Variants in DPP4 observed in about 807,000 individuals in gnomAD.
DPP4 encodes the protein ADCP-2.
Under a neutral mutation model 122.4 loss-of-function variants are expected in DPP4, and 93 were observed. That is an observed-to-expected ratio of 0.76 (90% CI 0.64 to 0.90). The LOEUF is 0.90. Among genes scored for constraint, DPP4 ranks in the 40% least tolerant of loss-of-function variants. The pLI is 0.00. For missense variants in DPP4, 914 were observed against 907.3 expected, an observed-to-expected ratio of 1.01 and a Z score of -0.09; for synonymous variants, 321 against 302.9, an observed-to-expected ratio of 1.06 and a Z score of -0.62.
Position 161,994,984 on chromosome 2 carries a change from CA to C in DPP4, c.2175del (p.Asp725GlufsTer18). The C allele has an allele frequency of 6.2e-7, 1 of 1,614,118 alleles. No individual in the cohort carries two copies. The highest frequency in any genetic ancestry group is 1.1e-5 in the South Asian group (1 of 91,084). On this transcript the variant is annotated frameshift_variant, in exon 25 of 26. Coordinates refer to ENST00000360534, the MANE Select transcript of DPP4 (RefSeq NM_001935.4). LOFTEE classifies it high-confidence loss of function. ...ACCATTGCCTGGAAATCCACTCCAA[CA>C]TCGACCAGGGCTTTGGAGATCTGAG... is the stretch of plus-strand genomic sequence containing the variant. ...QSAQISKALV[D>X]VGVDFQAMWY...
At chr2:162,055,197 G>A (rs1344599005) in intron 2 of DPP4, among the ~76,000 whole-genome samples, 1 of 152,186 alleles carries the variant, frequency 6.6e-6, no homozygotes, top group Non-Finnish European at 1.5e-5. Context: ...CTAAGTGCCA[G>A]TGAATATCAC....
At chr2:162,029,743 A>G (rs924395570) in intron 10 of DPP4, among the ~76,000 whole-genome samples, 2 of 152,176 alleles carry the variant, frequency 1.3e-5, no homozygotes, top group South Asian at 4.1e-4. Context: ...TGAGCCCCAG[A>G]GCCATTCAAC....
At chr2:162,033,876 A>ATATG (rs1683662274) in intron 9 of DPP4, among the ~76,000 whole-genome samples, 1 of 140,086 alleles carries the variant, frequency 7.1e-6, no homozygotes, top group Admixed American at 7.0e-5. Flanking sequence ...ATATATATAT[A>ATATG]TATATATATA....
chr2:162,045,160 C>T (rs1017606739), intron 5 of DPP4, among the ~76,000 whole-genome samples: 1 of 151,918 alleles, frequency 6.6e-6, no homozygotes, highest in African/African-American at 2.4e-5. Flanking sequence ...TCTATGGAGG[C>T]TCTTACTATA....
At chr2:162,061,006 C>CTCCTTCCTTCCTTCCTTCCTTCCTTCCT (rs1235608036) in intron 2 of DPP4, among the ~76,000 whole-genome samples, 75 of 81,530 alleles carry the variant, frequency 9.2e-4, no homozygotes, top group African/African-American at 4.5e-3. Context: ...CCCTCCCTCC[C>CTCCTTCCTTCCTTCCTTCCTTCCTTCCT]TCCTTCCTTC....
intron 9 of DPP4, among the ~76,000 whole-genome samples, chr2:162,033,862 G>GCATATA (rs1683658410): frequency 9.6e-6 from 1 of 104,026 alleles, no homozygotes; most frequent in Non-Finnish European, 1.9e-5. Flanking sequence ...CAGAATATGT[G>GCATATA]TATATATATA....
At chr2:162,055,888 C>T (rs530719665) in intron 2 of DPP4, among the ~76,000 whole-genome samples, 2 of 152,182 alleles carry the variant, frequency 1.3e-5, no homozygotes, top group African/African-American at 2.4e-5. Flanking sequence ...GGGTTTAGTT[C>T]CCCCTCCTCC....
At position 162,032,720 on chromosome 2, in the gene DPP4, AC is replaced by A. The variant is rs1185352082; in HGVS notation, c.887+820del. On this transcript the variant is annotated intron_variant, in intron 10 of 25. Transcript: ENST00000360534. ...AACAACAACAACAACAAAAAAAAAAACAGCAACAAAACCAAATAAATAACAG... is the reference window on the plus strand; with the variant it reads ...AACAACAACAACAACAAAAAAAAAAAAGCAACAAAACCAAATAAATAACAG... Among the ~76,000 whole-genome samples, 1,470 of 149,398 alleles carry A rather than the reference AC, an allele frequency of 9.8e-3. 26 individuals are homozygous for A. The highest frequency in any genetic ancestry group is 0.034 in the African/African-American group (1,394 of 40,750).
intron 25 of DPP4, 137 bp downstream of exon 25, chr2:161,994,824 C>A (rs933900107): frequency 9.9e-6 from 7 of 709,192 alleles, no homozygotes; most frequent in Non-Finnish European, 1.7e-5. Flanking sequence ...TACCACTCTT[C>A]TGACTTCACG....
chr2:162,049,520 T>C (rs994005359), intron 2 of DPP4, among the ~76,000 whole-genome samples: 4 of 152,058 alleles, frequency 2.6e-5, no homozygotes, highest in Non-Finnish European at 5.9e-5. Context: ...TCAGGAAGAA[T>C]AGCTAACAGA....
At chr2:162,058,975 A>G (rs1349862646) in intron 2 of DPP4, among the ~76,000 whole-genome samples, 1 of 152,250 alleles carries the variant, frequency 6.6e-6, no homozygotes, top group Non-Finnish European at 1.5e-5. Context: ...CCCTGAAACA[A>G]TATCAGCATA....
At chr2:162,042,366 A>T (rs189986914) in intron 5 of DPP4, among the ~76,000 whole-genome samples, 2 of 152,298 alleles carry the variant, frequency 1.3e-5, no homozygotes, top group Admixed American at 1.3e-4. Context: ...GAGAACATTC[A>T]TACCAGACTG....
chr2:162,004,459 T>C (rs1701231029), intron 23 of DPP4, among the ~76,000 whole-genome samples: 1 of 152,114 alleles, frequency 6.6e-6, no homozygotes, highest in African/African-American at 2.4e-5. Context: ...TATGGGACTG[T>C]TTTGCAGGGG....
At chr2:162,070,310 C>T (rs913962717) in intron 2 of DPP4, among the ~76,000 whole-genome samples, 2 of 141,916 alleles carry the variant, frequency 1.4e-5, no homozygotes, top group Admixed American at 7.0e-5. Context: ...TATTAAGCCT[C>T]TCTCTCTCTC....
rs1208637587 is a variant in DPP4 at position 162,074,131 on chromosome 2, G to A, written c.-150C>T. Reference sequence around the variant, plus strand: ...TCGGCCCCGAGTTAAACATTAGTGAGCGCCGAGCCCGCTGGGTATAAAGGC... The same window carrying A: ...TCGGCCCCGAGTTAAACATTAGTGAACGCCGAGCCCGCTGGGTATAAAGGC... On this transcript the variant is annotated 5_prime_UTR_variant, in exon 1 of 26. Coordinates refer to ENST00000360534, the MANE Select transcript of DPP4 (RefSeq NM_001935.4). 2 of 1,405,540 alleles carry A rather than the reference G, an allele frequency of 1.4e-6. No individual in the cohort carries two copies. Among genetic ancestry groups the A allele is most frequent in the African/African-American group, 3.0e-5 (2 of 67,386 alleles). The allele number at this position is 1,405,540 out of a possible 1,614,324, so 87.1% of individuals were successfully genotyped here. A position where few individuals can be genotyped will look rare whatever the true frequency, so the allele number is the denominator to read the frequency against.
chr2:162,006,352 G>A (rs1277161082), intron 22 of DPP4, among the ~76,000 whole-genome samples: 2 of 152,116 alleles, frequency 1.3e-5, no homozygotes, highest in African/African-American at 4.8e-5. Flanking sequence ...TCAATTACTA[G>A]TTGCTGATTT....
chr2:162,003,711 G>T (rs1008522701), intron 23 of DPP4, among the ~76,000 whole-genome samples: 1 of 152,094 alleles, frequency 6.6e-6, no homozygotes, highest in Non-Finnish European at 1.5e-5. Flanking sequence ...AAGAAAATTT[G>T]AACTGGAAAA....
At chr2:162,067,024 A>G (rs1328141115) in intron 2 of DPP4, among the ~76,000 whole-genome samples, 2 of 152,282 alleles carry the variant, frequency 1.3e-5, no homozygotes, top group African/African-American at 2.4e-5. Context: ...CATATCCCCC[A>G]TACCTTCAAT....
chr2:162,030,106 A>G (rs779396089), intron 10 of DPP4, among the ~76,000 whole-genome samples: 47 of 152,252 alleles, frequency 3.1e-4, no homozygotes, highest in Non-Finnish European at 5.9e-5. Context: ...TCAGTCAACA[A>G]TGAATGTACT....
Sources: allele counts gnomAD v4.1 joint callset (sites outside exome capture counted in the v4.1 genomes callset), GRCh38; gene constraint gnomAD v4.1.1; transcripts MANE v1.5; gene names NCBI Gene and HGNC (gene_info 2026-07-23, HGNC 2026-07-21).